WNK1: variants seen among roughly 807,000 people sequenced by gnomAD.
The protein encoded by WNK1 is serine/threonine-protein kinase WNK1.
In WNK1, 38 loss-of-function variants were observed where a neutral mutation model predicts 222.8. That is an observed-to-expected ratio of 0.17 (90% CI 0.13 to 0.22). The LOEUF (loss-of-function observed/expected upper bound fraction) is 0.22, where lower values mean the gene tolerates loss of function less well. WNK1 is among the 10% of genes least tolerant of loss of function. The pLI, the probability that WNK1 is intolerant of heterozygous loss-of-function variation, is 1.00. For synonymous variants in WNK1, 1,090 were observed against 1,092.9 expected, an observed-to-expected ratio of 1.00 and a Z score of 0.05; for missense variants, 2,348 against 2,918.4, an observed-to-expected ratio of 0.80 and a Z score of 4.50.
chr12:891,506 A>G (rs1192428504), intron 22 of WNK1, among the ~76,000 whole-genome samples: 1 of 152,186 alleles, frequency 6.6e-6, no homozygotes, highest in African/African-American at 2.4e-5. Context: ...GCAAAGGTGG[A>G]TCACTAGCCT....
intron 26 of WNK1, chr12:906,762 G>A: frequency 1.0e-6 from 1 of 985,262 alleles, no homozygotes; most frequent in East Asian, 1.1e-4. Flanking sequence ...TGGCTAGGCT[G>A]AGCATGGTGG....
At chr12:830,291 G>A (rs72648632) in intron 4 of WNK1, 131 bp downstream of exon 4, 814 of 1,060,598 alleles carry the variant, frequency 7.7e-4, no homozygotes, top group South Asian at 1.4e-3. Flanking sequence ...GGGTTGGGGG[G>A]GTGGTGTTGA....
intron 3 of WNK1, among the ~76,000 whole-genome samples, chr12:828,795 A>T (rs956180281): frequency 6.6e-6 from 1 of 152,212 alleles, no homozygotes; most frequent in Admixed American, 6.5e-5. Context: ...TAAAAACTTG[A>T]GGTCTTCATA....
chr12:879,420 T>C (rs550431930), intron 10 of WNK1, among the ~76,000 whole-genome samples, 153 bp from the exon 11 acceptor site: 1 of 150,500 alleles, frequency 6.6e-6, no homozygotes, highest in Non-Finnish European at 1.5e-5. Context: ...TTAACACTAA[T>C]GTATGCAGGG....
chr12:764,846 C>T (rs769778859), intron 1 of WNK1, among the ~76,000 whole-genome samples: 3 of 147,338 alleles, frequency 2.0e-5, no homozygotes, highest in Non-Finnish European at 4.5e-5. Context: ...ATACAATATC[C>T]ACCAGCCTCA....
chr12:887,642 A>G (rs1953798819), intron 20 of WNK1, among the ~76,000 whole-genome samples: 1 of 152,220 alleles, frequency 6.6e-6, no homozygotes. Context: ...TTGCGTATAT[A>G]ATCAAAATTA....
chr12:886,134 C>G, intron 19 of WNK1, 50 bp downstream of exon 19: 1 of 1,073,926 alleles, frequency 9.3e-7, no homozygotes. Context: ...AGTTTTTTTT[C>G]TCCCTAATGA....
rs1565603585 is a variant in WNK1 at position 896,300 on chromosome 12, G to A, written c.5813G>A (p.Gly1938Glu). 1 of 1,614,172 alleles carries A rather than the reference G, an allele frequency of 6.2e-7. No individual in the cohort carries two copies. Among genetic ancestry groups the A allele is most frequent in the South Asian group, 1.1e-5 (1 of 91,078 alleles). The change falls in exon 24 of 28, where the codon GGG (glycine) becomes GAG (glutamate). Residue 1938 changes from glycine to glutamate, a missense_variant. Coordinates refer to ENST00000315939, the MANE Select transcript of WNK1 (RefSeq NM_018979.4). ...TTASEAKSDT[G>E]QPTKVGRFQV... ...GCCTCAGAGGCAAAGTCAGACACTG[G>A]GCAGCCTACCAAGGTTGGACGTTTT...
intron 1 of WNK1, among the ~76,000 whole-genome samples, chr12:776,492 G>A (rs548604989): frequency 1.3e-5 from 2 of 150,336 alleles, no homozygotes; most frequent in Admixed American, 6.7e-5. Context: ...GTGCAGTGGC[G>A]CAATCTTGGC....
intron 4 of WNK1, among the ~76,000 whole-genome samples, chr12:844,302 A>G (rs1949855047): frequency 6.6e-6 from 1 of 151,986 alleles, no homozygotes; most frequent in Admixed American, 6.6e-5. Context: ...CAGCCGGCTA[A>G]CATGTATTTT....
chr12:829,867 C>CTTTTCTCCCCCTTTCCTT, intron 3 of WNK1, 136 bp from the exon 4 acceptor site: 1 of 888,054 alleles, frequency 1.1e-6, no homozygotes, highest in Non-Finnish European at 1.8e-6. Flanking sequence ...TTTCCTTCCT[C>CTTTTCTCCCCCTTTCCTT]TTTTCTCCCC....
intron 10 of WNK1, among the ~76,000 whole-genome samples, chr12:879,353 C>T (rs1952912576): frequency 6.6e-6 from 1 of 151,226 alleles, no homozygotes; most frequent in African/African-American, 2.4e-5. Context: ...CAGTAATAGT[C>T]TATTTAGCCT....
intron 4 of WNK1, among the ~76,000 whole-genome samples, chr12:847,718 A>C (rs1396815504): frequency 1.4e-5 from 2 of 139,478 alleles, no homozygotes; most frequent in Non-Finnish European, 3.1e-5. Flanking sequence ...AAGGTGGTGC[A>C]GTGTATCTAG....
intron 1 of WNK1, among the ~76,000 whole-genome samples, chr12:769,268 T>C (rs1344322559): frequency 6.6e-6 from 1 of 150,826 alleles, no homozygotes; most frequent in Non-Finnish European, 1.5e-5. Context: ...GCACCATCTC[T>C]GCTCACTGCA....
In WNK1 at chr12:885,683, C is replaced by T. The variant is rs1238626224; in HGVS notation, c.4879C>T (p.Leu1627Phe). 9 of 1,614,090 alleles carry T rather than the reference C, an allele frequency of 5.6e-6. No individual in the cohort carries two copies. Among genetic ancestry groups the T allele is most frequent in the Non-Finnish European group, 7.6e-6 (9 of 1,180,026 alleles). The change falls in exon 19 of 28, where the codon CTT (leucine) becomes TTT (phenylalanine). Residue 1627 changes from leucine to phenylalanine, a missense_variant. This residue lies in a region of WNK1 where 1,144 missense variants were observed against 1,273.6 expected (regional missense o/e 0.90). Transcript: ENST00000315939. ...LIHSQPQPALLPNQPHTHCPE... is the reference protein window; with the variant it reads ...LIHSQPQPALFPNQPHTHCPE... The stretch of plus-strand genomic sequence containing the variant: ...TCATAGTCAGCCTCAACCAGCTTTG[C>T]TTCCCAACCAGCCCCATACTCATTG...
intron 1 of WNK1, among the ~76,000 whole-genome samples, chr12:787,566 G>A (rs1944429342): frequency 1.3e-5 from 2 of 152,208 alleles, no homozygotes; most frequent in Non-Finnish European, 2.9e-5. Flanking sequence ...CGTAGTTCTT[G>A]TGGGTTCCTG....
intron 1 of WNK1, among the ~76,000 whole-genome samples, chr12:800,282 C>A (rs918834317): frequency 3.9e-5 from 6 of 152,122 alleles, no homozygotes; most frequent in African/African-American, 1.4e-4. Context: ...ACACATCCTA[C>A]TTTTGCTTTT....
At chr12:824,295 T>C (rs1948171029) in intron 2 of WNK1, among the ~76,000 whole-genome samples, 2 of 151,732 alleles carry the variant, frequency 1.3e-5, no homozygotes, top group African/African-American at 4.8e-5. Flanking sequence ...TGGTTGGTTA[T>C]GGTGATTTTA....
chr12:838,407 G>T (rs904476879), intron 4 of WNK1, among the ~76,000 whole-genome samples: 9 of 151,744 alleles, frequency 5.9e-5, no homozygotes, highest in Non-Finnish European at 1.2e-4. Flanking sequence ...GCCAATCCTT[G>T]TTGTTATTAT....
Sources: gnomAD v4.1 joint callset for allele counts (sites outside exome capture counted in the v4.1 genomes callset) on GRCh38, gnomAD v4.1.1 for gene constraint, gnomAD v4.1.1 regional missense constraint, MANE v1.5 for transcripts, NCBI Gene and HGNC (gene_info 2026-07-23, HGNC 2026-07-21) for gene names.